CTNNA3: variants seen among roughly 807,000 people sequenced by gnomAD.
CTNNA3 encodes the protein catenin alpha-3.
A neutral mutation model predicts 95.7 loss-of-function variants in CTNNA3; 76 were observed. That is an observed-to-expected ratio of 0.79 (90% CI 0.66 to 0.96). CTNNA3 has a LOEUF of 0.96. Ranked by LOEUF, CTNNA3 falls within the 40% of genes least tolerant of loss-of-function variation. The pLI is 0.00. For missense variants in CTNNA3, 1,191 were observed against 1,089.8 expected, an observed-to-expected ratio of 1.09 and a Z score of -1.31; for synonymous variants, 431 against 374.4, an observed-to-expected ratio of 1.15 and a Z score of -1.74.
chr10:66,948,065 C>T (rs1848363742), intron 7 of CTNNA3, among the ~76,000 whole-genome samples: 1 of 152,156 alleles, frequency 6.6e-6, no homozygotes, highest in Non-Finnish European at 1.5e-5. Context: ...CATATCTAAA[C>T]ATAGAAAAGG....
chr10:66,570,245 C>T (rs751476386), intron 10 of CTNNA3, among the ~76,000 whole-genome samples: 8 of 152,158 alleles, frequency 5.3e-5, no homozygotes, highest in African/African-American at 1.7e-4. Context: ...GCAATAGATG[C>T]TAGTTTTCCT....
intron 7 of CTNNA3, among the ~76,000 whole-genome samples, chr10:66,978,961 T>A (rs1416419349): frequency 5.3e-5 from 2 of 38,094 alleles, no homozygotes; most frequent in East Asian, 0.011. Context: ...ACTTATTTCC[T>A]TTTTTTTTTT....
chr10:67,334,548 T>A (rs889515269), intron 5 of CTNNA3: 1 of 152,680 alleles, frequency 6.5e-6, no homozygotes, highest in Admixed American at 6.5e-5. Flanking sequence ...AAGGCTCAGA[T>A]GGTAGTGACT....
At chr10:66,058,907 T>A (rs891280449) in intron 15 of CTNNA3, among the ~76,000 whole-genome samples, 1 of 152,124 alleles carries the variant, frequency 6.6e-6, no homozygotes, top group Non-Finnish European at 1.5e-5. Flanking sequence ...TAATCAAAAC[T>A]TTTTAGAAAG....
intron 7 of CTNNA3, among the ~76,000 whole-genome samples, chr10:67,086,075 A>G (rs1857292671): frequency 6.6e-6 from 1 of 152,042 alleles, no homozygotes; most frequent in African/African-American, 2.4e-5. Flanking sequence ...AGGATATTCA[A>G]TAATGATGGA....
intron 7 of CTNNA3, among the ~76,000 whole-genome samples, chr10:67,131,884 G>A (rs1292276941): frequency 1.3e-5 from 2 of 152,084 alleles, no homozygotes; most frequent in Admixed American, 6.6e-5. Flanking sequence ...CTAATACTAT[G>A]AGAAAGAGTT....
chr10:66,676,938 C>T (rs1231596770), intron 9 of CTNNA3, among the ~76,000 whole-genome samples: 2 of 152,068 alleles, frequency 1.3e-5, no homozygotes, highest in African/African-American at 4.8e-5. Context: ...ATGGCACAGT[C>T]TAGTATGTTA....
chr10:67,399,285 A>C (rs1229721594), intron 5 of CTNNA3, among the ~76,000 whole-genome samples: 1 of 152,208 alleles, frequency 6.6e-6, no homozygotes, highest in Non-Finnish European at 1.5e-5. Context: ...AATTTGTTAG[A>C]GTGACAGACA....
chr10:67,737,978 G>A (rs1841312537), intron 1 of CTNNA3, among the ~76,000 whole-genome samples: 1 of 152,192 alleles, frequency 6.6e-6, no homozygotes, highest in Non-Finnish European at 1.5e-5. Context: ...TACCCCCACT[G>A]GGACAGAGCT....
intron 7 of CTNNA3, among the ~76,000 whole-genome samples, chr10:66,988,502 A>G (rs1255266224): frequency 6.6e-6 from 1 of 152,120 alleles, no homozygotes; most frequent in African/African-American, 2.4e-5. Context: ...ACTTCTGTGT[A>G]TTGTGTGTTT....
chr10:67,307,795 C>A (rs541322765), intron 5 of CTNNA3, among the ~76,000 whole-genome samples: 1 of 152,056 alleles, frequency 6.6e-6, no homozygotes. Context: ...CATTAATTCT[C>A]GTGTACATTA....
intron 10 of CTNNA3, among the ~76,000 whole-genome samples, chr10:66,583,516 A>G (rs1470287032): frequency 6.6e-6 from 1 of 151,690 alleles, no homozygotes; most frequent in African/African-American, 2.4e-5. Context: ...TATCTGTAGT[A>G]TCAGTTGTAA....
chr10:66,508,633 A>C (rs1840548636), intron 11 of CTNNA3, among the ~76,000 whole-genome samples: 1 of 152,022 alleles, frequency 6.6e-6, no homozygotes, highest in Non-Finnish European at 1.5e-5. Flanking sequence ...TCTGAGTGAG[A>C]AGATATGGTG....
intron 13 of CTNNA3, among the ~76,000 whole-genome samples, chr10:66,236,826 C>G (rs755891313): frequency 6.6e-6 from 1 of 151,674 alleles, no homozygotes; most frequent in Non-Finnish European, 1.5e-5. Flanking sequence ...ATAAAAGCCT[C>G]AAATACAGCC....
intron 7 of CTNNA3, among the ~76,000 whole-genome samples, chr10:67,163,821 G>A (rs1224585197): frequency 6.6e-6 from 1 of 151,718 alleles, no homozygotes; most frequent in Admixed American, 6.6e-5. Context: ...TACAAAAATC[G>A]ATTTTACTTG....
intron 7 of CTNNA3, among the ~76,000 whole-genome samples, chr10:66,827,317 A>G (rs1842551000): frequency 6.6e-6 from 1 of 152,036 alleles, no homozygotes; most frequent in Non-Finnish European, 1.5e-5. Flanking sequence ...GCCCTCCTTT[A>G]CCATACTTAC....
chr10:66,321,094 A>C (rs1189741418), intron 12 of CTNNA3, among the ~76,000 whole-genome samples: 1 of 152,148 alleles, frequency 6.6e-6, no homozygotes, highest in Admixed American at 6.5e-5. Flanking sequence ...CCCATAGATT[A>C]TGATATGAAT....
chr10:67,296,295 T>C (rs143425155), intron 5 of CTNNA3, among the ~76,000 whole-genome samples: 252 of 152,266 alleles, frequency 1.7e-3, no homozygotes, highest in Non-Finnish European at 2.4e-3. Flanking sequence ...CCTAGCTCTA[T>C]GGCTAAGCAT....
intron 3 of CTNNA3, among the ~76,000 whole-genome samples, chr10:67,568,233 T>G (rs1305686852): frequency 3.0e-5 from 2 of 67,060 alleles, no homozygotes; most frequent in Non-Finnish European, 5.3e-5. Flanking sequence ...CTACAGACTG[T>G]TTTTTTTTTT....
Sources: allele counts gnomAD v4.1 joint callset (sites outside exome capture counted in the v4.1 genomes callset), GRCh38; gene constraint gnomAD v4.1.1; transcripts MANE v1.5; gene names NCBI Gene and HGNC (gene_info 2026-07-23, HGNC 2026-07-21).